CSMD2: variants seen among roughly 807,000 people sequenced by gnomAD.
The protein encoded by CSMD2 is CUB and Sushi multiple domains 2.
A neutral mutation model predicts 398.5 loss-of-function variants in CSMD2; 130 were observed. The ratio of observed to expected loss-of-function variants is 0.33; its 90% CI spans 0.28 to 0.38. The LOEUF (loss-of-function observed/expected upper bound fraction) is 0.38. CSMD2 is among the 10% of genes least tolerant of loss of function. The pLI is 1.00. For missense variants in CSMD2, 3,829 were observed against 4,764.9 expected, an observed-to-expected ratio of 0.80 and a Z score of 5.78; for synonymous variants, 1,828 against 1,908.5, an observed-to-expected ratio of 0.96 and a Z score of 1.10.
At chr1:34,056,707 G>A (rs1487317571) in intron 2 of CSMD2, among the ~76,000 whole-genome samples, 2 of 122,968 alleles carry the variant, frequency 1.6e-5, no homozygotes, top group Non-Finnish European at 3.3e-5. Context: ...AAAATGTTCA[G>A]CACCTGTTTA....
Position 33,635,063 on chromosome 1 carries a change from ACGTCAGCACTCGGCCGT to A in CSMD2, c.5086+134_5086+150del, listed in dbSNP as rs1471132331. ...ATGTATTCTGCAGCCCGTTTGAGAA[ACGTCAGCACTCGGCCGT>A]CCTTTTGGGGAGACTGTTCTGCGAT... is the stretch of plus-strand genomic sequence containing the variant. On this transcript the variant is annotated intron_variant, in intron 31 of 70. Coordinates refer to ENST00000373381, the MANE Select transcript of CSMD2 (RefSeq NM_001281956.2). The surrounding 1 kb of genome is among the most constrained non-coding windows in gnomAD (Gnocchi z 5.0). 1 of 575,500 alleles carries A rather than the reference ACGTCAGCACTCGGCCGT, an allele frequency of 1.7e-6. No individual in the cohort carries two copies. Among genetic ancestry groups the A allele is most frequent in the Admixed American group, 2.7e-5 (1 of 36,724 alleles). 35.6% of individuals were successfully genotyped at this position (575,500 alleles called of 1,614,324 possible).
chr1:33,842,762 T>C (rs1660981780), intron 6 of CSMD2, among the ~76,000 whole-genome samples: 1 of 152,230 alleles, frequency 6.6e-6, no homozygotes, highest in Non-Finnish European at 1.5e-5. Context: ...ATTATTTTTT[T>C]CAATTTTCTT....
intron 39 of CSMD2, among the ~76,000 whole-genome samples, chr1:33,616,260 C>T (rs929292627): frequency 3.0e-4 from 45 of 151,352 alleles, no homozygotes; most frequent in Middle Eastern, 3.4e-3. Context: ...TTTTTTGGGA[C>T]GGAGTTGTGC....
In CSMD2 at chr1:33,792,959, A is replaced by T. The variant is rs371033064; in HGVS notation, c.1447-433T>A. On this transcript the variant is annotated intron_variant, in intron 10 of 70. Coordinates refer to ENST00000373381, the MANE Select transcript of CSMD2 (RefSeq NM_001281956.2). ...TCTTCTCCTCTGACTGCTTTTCTCCATCCTTTTTGTTTATTTGTTGAATAA... is the reference window on the plus strand; with the variant it reads ...TCTTCTCCTCTGACTGCTTTTCTCCTTCCTTTTTGTTTATTTGTTGAATAA... Among the ~76,000 whole-genome samples the T allele has an allele frequency of 3.9e-5, 6 of 152,026 alleles. No homozygotes were observed. The South Asian group carries it at 1.2e-3, about 32-fold the overall frequency.
At chr1:33,527,140 A>C in intron 65 of CSMD2, 56 bp downstream of exon 65, 1 of 1,480,090 alleles carries the variant, frequency 6.8e-7, no homozygotes, top group Non-Finnish European at 9.5e-7. Context: ...TTTCTGGCTA[A>C]CTGTGTGAAA....
intron 12 of CSMD2, among the ~76,000 whole-genome samples, chr1:33,775,308 C>T (rs898730422): frequency 3.9e-5 from 6 of 152,164 alleles, no homozygotes; most frequent in Admixed American, 3.3e-4. Context: ...CTGTCAGAGC[C>T]TGTCTTTGAT....
chr1:33,924,314 T>C (rs1051900524), intron 4 of CSMD2, among the ~76,000 whole-genome samples: 1 of 152,196 alleles, frequency 6.6e-6, no homozygotes, highest in Non-Finnish European at 1.5e-5. Flanking sequence ...ACTGGGACTA[T>C]GGGCGCATGC....
In CSMD2 at chr1:33,590,981, CTTTTTTTTTTTT is replaced by C. The variant is rs11374822; in HGVS notation, c.6857-3825_6857-3814del. On this transcript the variant is annotated intron_variant, in intron 44 of 70. Coordinates refer to ENST00000373381, the MANE Select transcript of CSMD2 (RefSeq NM_001281956.2). ...CCTTTCATTTGAAGCTTTTATTTAT[CTTTTTTTTTTTT>C]TTTTTTTTTTTTGAGATGGAGTTTT... Among the ~76,000 whole-genome samples, 5 of 67,188 alleles carry C rather than the reference CTTTTTTTTTTTT, an allele frequency of 7.4e-5. 1 individual carries two copies. In the Admixed American group the frequency reaches 8.3e-4, roughly 11 times the overall value. The allele number at this position is 67,188 out of a possible 152,430, so 44.1% of individuals were successfully genotyped here. A position where few individuals can be genotyped will look rare whatever the true frequency, so the allele number is the denominator to read the frequency against.
chr1:33,939,193 C>T (rs1336929963), intron 3 of CSMD2, among the ~76,000 whole-genome samples: 1 of 152,134 alleles, frequency 6.6e-6, no homozygotes, highest in Non-Finnish European at 1.5e-5. Context: ...CCCATGATCC[C>T]CTGCAGCTTG....
At chr1:33,778,852 G>A (rs938117473) in intron 12 of CSMD2, among the ~76,000 whole-genome samples, 2 of 152,152 alleles carry the variant, frequency 1.3e-5, no homozygotes, top group Non-Finnish European at 2.9e-5. Flanking sequence ...TTTCTTACAG[G>A]TTGTTCAAAT....
At chr1:33,764,548 T>G (rs1260158129) in intron 13 of CSMD2, among the ~76,000 whole-genome samples, 1 of 152,216 alleles carries the variant, frequency 6.6e-6, no homozygotes, top group Non-Finnish European at 1.5e-5. Flanking sequence ...TGGGACTTCC[T>G]AAGTTCCCTG....
Position 33,562,107 on chromosome 1 carries a change from G to A in CSMD2, c.8381-2634C>T, listed in dbSNP as rs995658932. ...GGGGGTAGTTGTCACAGAGCCAAGA[G>A]CCTCAAGAATTGTCAGATATCCCTG... On this transcript the variant is annotated intron_variant, in intron 53 of 70. Transcript: ENST00000373381. 4.6e-5 allele frequency among the ~76,000 whole-genome samples: 7 copies of A among 152,062 alleles called. No individual in the cohort carries two copies. The South Asian group carries it at 6.2e-4, about 14-fold the overall frequency.
chr1:34,003,362 T>A (rs1245697986), intron 3 of CSMD2, among the ~76,000 whole-genome samples: 1 of 152,204 alleles, frequency 6.6e-6, no homozygotes, highest in Non-Finnish European at 1.5e-5. Context: ...ATAAGATCCC[T>A]CTGTGGTAAC....
intron 6 of CSMD2, among the ~76,000 whole-genome samples, chr1:33,829,552 T>C (rs1382658582): frequency 6.6e-6 from 1 of 152,192 alleles, no homozygotes; most frequent in Non-Finnish European, 1.5e-5. Flanking sequence ...TAGGAACAGC[T>C]CCAGTCTACA....
intron 1 of CSMD2, among the ~76,000 whole-genome samples, chr1:34,098,292 T>C (rs1422778698): frequency 1.3e-4 from 17 of 128,026 alleles, no homozygotes; most frequent in Middle Eastern, 4.0e-3. Context: ...AGGGATAGCA[T>C]TGGGAGATAT....
intron 29 of CSMD2, among the ~76,000 whole-genome samples, chr1:33,638,556 G>A (rs1642934329): frequency 6.6e-6 from 1 of 152,208 alleles, no homozygotes; most frequent in Admixed American, 6.5e-5. Context: ...GTTAGATCAT[G>A]TCTGCTGAAA....
intron 27 of CSMD2, among the ~76,000 whole-genome samples, chr1:33,653,261 C>T (rs1643861655): frequency 6.6e-6 from 1 of 152,174 alleles, no homozygotes; most frequent in East Asian, 1.9e-4. Flanking sequence ...ACGGAGCCGG[C>T]ACTGTCTGTA....
At position 33,783,431 on chromosome 1, in the gene CSMD2, T is replaced by TTCTCTCTCTCTC. The variant is rs55769634; in HGVS notation, c.1663+5157_1663+5168dup. Among the ~76,000 whole-genome samples, 62 of 135,242 alleles carry TTCTCTCTCTCTC rather than the reference T, an allele frequency of 4.6e-4. 1 individual carries two copies. The highest frequency in any genetic ancestry group is 1.2e-3 in the African/African-American group (43 of 34,406). The allele number at this position is 135,242 out of a possible 152,430, so 88.7% of individuals were successfully genotyped here. On this transcript the variant is annotated intron_variant, in intron 12 of 70. Transcript: ENST00000373381. ...AAACAACACCATGCTCATTCTCTCATTCTCTCTCTCTCTCTCTCTCTCTCT... is the reference window on the plus strand; with the variant it reads ...AAACAACACCATGCTCATTCTCTCATTCTCTCTCTCTCTCTCTCTCTCTCTCTCTCTCTCTCT...
At chr1:33,911,857 C>G (rs1352364995) in intron 5 of CSMD2, among the ~76,000 whole-genome samples, 2 of 152,216 alleles carry the variant, frequency 1.3e-5, no homozygotes, top group Non-Finnish European at 2.9e-5. Flanking sequence ...GCATGCTGGA[C>G]AGCATCTTCC....
Sources: allele counts gnomAD v4.1 joint callset (sites outside exome capture counted in the v4.1 genomes callset), GRCh38; gene constraint gnomAD v4.1.1; non-coding constraint Gnocchi (gnomAD v3.1); transcripts MANE v1.5; gene names NCBI Gene and HGNC (gene_info 2026-07-23, HGNC 2026-07-21).